The following SLC39A12 variants were observed in gnomAD, a reference collection of about 807,000 sequenced individuals.
SLC39A12 encodes zinc transporter ZIP12.
A neutral mutation model predicts 71.1 loss-of-function variants in SLC39A12; 63 were observed. The ratio of observed to expected loss-of-function variants is 0.89; its 90% CI spans 0.72 to 1.09. The LOEUF (loss-of-function observed/expected upper bound fraction) is 1.09, where lower values mean the gene tolerates loss of function less well. Ranked by LOEUF, SLC39A12 falls within the 50% of genes least tolerant of loss-of-function variation. SLC39A12 has a pLI of 0.00. For synonymous variants in SLC39A12, 351 were observed against 301.3 expected, an observed-to-expected ratio of 1.16 and a Z score of -1.71; for missense variants, 892 against 812.6, an observed-to-expected ratio of 1.10 and a Z score of -1.19.
chr10:18,019,165 A>G (rs1836462088), intron 12 of SLC39A12, among the ~76,000 whole-genome samples: 1 of 151,994 alleles, frequency 6.6e-6, no homozygotes, highest in Non-Finnish European at 1.5e-5. Flanking sequence ...CATCTATGTT[A>G]TCAAATTTGG....
chr10:17,961,196 C>T (rs1554848343), intron 2 of SLC39A12, among the ~76,000 whole-genome samples: 1 of 152,040 alleles, frequency 6.6e-6, no homozygotes. Flanking sequence ...AGATGCTGGA[C>T]CAAGGCTAAG....
Position 18,024,702 on chromosome 10 carries a change from T to C in SLC39A12, c.1948-18003T>C, listed in dbSNP as rs376786276. Among the ~76,000 whole-genome samples, 33 of 152,334 alleles carry C rather than the reference T, an allele frequency of 2.2e-4. No homozygotes were observed. The East Asian group carries it at 5.8e-3, about 27-fold the overall frequency. On this transcript the variant is annotated intron_variant, in intron 12 of 12. Transcript: ENST00000377369. ...CCTCTGTTCATTTCTGATGGACGAA[T>C]GTTAAAGTCTTCAAATCTAGTTGTG... is the stretch of plus-strand genomic sequence containing the variant.
Position 18,029,071 on chromosome 10 carries a change from C to T in SLC39A12, c.1948-13634C>T, listed in dbSNP as rs1230525803. On this transcript the variant is annotated intron_variant, in intron 12 of 12. Coordinates refer to ENST00000377369, the MANE Select transcript of SLC39A12 (RefSeq NM_001145195.2). ...GTTTTTTAGTAGAGGTGGAGTTTCA[C>T]CATGTTAGCCAGGATGGTCTCAATC... is the stretch of plus-strand genomic sequence containing the variant. 2.6e-5 allele frequency among the ~76,000 whole-genome samples: 4 copies of T among 151,346 alleles called. No homozygotes were observed. The East Asian group carries it at 7.8e-4, about 29-fold the overall frequency.
At position 17,993,117 on chromosome 10, in the gene SLC39A12, A is replaced by G. The variant is rs921114947; in HGVS notation, c.1423-64A>G. On this transcript the variant is annotated intron_variant, in intron 8 of 12. Transcript: ENST00000377369. ...ATAGGCAATGGAATGGAACCGTGGCATTGACAAAGACTACACCTGTGTTCT... is the reference window on the plus strand; with the variant it reads ...ATAGGCAATGGAATGGAACCGTGGCGTTGACAAAGACTACACCTGTGTTCT... 1.1e-4 allele frequency: 132 copies of G among 1,189,260 alleles called. 1 individual carries two copies. In the South Asian group the frequency reaches 1.3e-3, roughly 12 times the overall value. 73.7% of individuals were successfully genotyped at this position (1,189,260 alleles called of 1,614,324 possible).
intron 12 of SLC39A12, among the ~76,000 whole-genome samples, chr10:18,015,934 TAC>T (rs1396672983): frequency 6.6e-6 from 1 of 152,130 alleles, no homozygotes; most frequent in Non-Finnish European, 1.5e-5. Context: ...ACTCAGAAGG[TAC>T]AGAGTTCCCA....
intron 12 of SLC39A12, among the ~76,000 whole-genome samples, chr10:18,018,496 G>A (rs1425486369): frequency 6.6e-6 from 1 of 152,056 alleles, no homozygotes; most frequent in East Asian, 1.9e-4. Context: ...CTCACCATTA[G>A]GTATATTTTA....
chr10:17,952,400 CT>C (rs1332063480), intron 1 of SLC39A12, among the ~76,000 whole-genome samples: 1 of 151,394 alleles, frequency 6.6e-6, no homozygotes, highest in Admixed American at 6.6e-5. Context: ...TCTTAGTAAA[CT>C]AAAAAAAAGA....
intron 12 of SLC39A12, among the ~76,000 whole-genome samples, chr10:18,012,185 T>C (rs925277057): frequency 6.6e-6 from 1 of 152,122 alleles, no homozygotes; most frequent in Non-Finnish European, 1.5e-5. Context: ...TAGAACATAT[T>C]CTAACATCCC....
chr10:17,966,767 C>T (rs1834835155), intron 4 of SLC39A12, among the ~76,000 whole-genome samples: 1 of 151,742 alleles, frequency 6.6e-6, no homozygotes, highest in East Asian at 1.9e-4. Flanking sequence ...GTCAGGAGTT[C>T]GAGACCAGCC....
intron 8 of SLC39A12, among the ~76,000 whole-genome samples, chr10:17,992,768 C>T (rs1342470216): frequency 2.6e-5 from 4 of 152,002 alleles, no homozygotes; most frequent in African/African-American, 9.7e-5. Context: ...AGCATAATTC[C>T]AAGATTTATG....
intron 2 of SLC39A12, among the ~76,000 whole-genome samples, chr10:17,954,584 G>A (rs1307453995): frequency 2.0e-5 from 3 of 152,072 alleles, no homozygotes; most frequent in African/African-American, 4.8e-5. Flanking sequence ...CGTCAGTGAT[G>A]TCTAAGAATT....
chr10:18,029,503 T>C (rs564776483), intron 12 of SLC39A12, among the ~76,000 whole-genome samples: 3 of 152,356 alleles, frequency 2.0e-5, no homozygotes, highest in African/African-American at 7.2e-5. Flanking sequence ...AAAAGGAAGT[T>C]ACTTCTCTAC....
chr10:17,975,551 C>T lies in SLC39A12; in HGVS notation c.752-2351C>T, dbSNP rs573113742. Among the ~76,000 whole-genome samples the T allele has an allele frequency of 2.0e-5, 3 of 152,268 alleles. 1 individual carries two copies. The highest frequency in any genetic ancestry group is 7.2e-5 in the African/African-American group (3 of 41,552). ...CTGAGCTGGTATCCAAGATGCAATG[C>T]AGAGTCCTCCCCACTCTTTCCTCTC... is the stretch of plus-strand genomic sequence containing the variant. On this transcript the variant is annotated intron_variant, in intron 4 of 12. Coordinates refer to ENST00000377369, the MANE Select transcript of SLC39A12 (RefSeq NM_001145195.2).
intron 5 of SLC39A12, 112 bp from the exon 6 acceptor site, chr10:17,981,200 G>T: frequency 1.1e-6 from 1 of 870,252 alleles, no homozygotes; most frequent in Non-Finnish European, 1.7e-6. Context: ...CCGGCTTCAT[G>T]TGTGTGTTCT....
intron 9 of SLC39A12, among the ~76,000 whole-genome samples, chr10:17,994,519 C>G (rs756951922): frequency 6.6e-6 from 1 of 151,960 alleles, no homozygotes; most frequent in Non-Finnish European, 1.5e-5. Flanking sequence ...TTTTGAAAAA[C>G]AAGACAAAAC....
At position 17,981,346 on chromosome 10, in the gene SLC39A12, T is replaced by C; in HGVS notation, c.959T>C (p.Phe320Ser). The change falls in exon 6 of 13, where the codon TTT becomes TCT. Residue 320 changes from phenylalanine (F) to serine (S), a missense_variant. Coordinates refer to ENST00000377369, the MANE Select transcript of SLC39A12 (RefSeq NM_001145195.2). ...TCTGCTAGGCAGCTGGTGGAGATAT[T>C]TCTACAGAAGGGCCTCTCACTCATT... ...CFSARQLVEI[F>S]LQKGLSLISK... The C allele has an allele frequency of 1.2e-6, 2 of 1,612,860 alleles. No individual in the cohort carries two copies. The highest frequency in any genetic ancestry group is 1.7e-6 in the Non-Finnish European group (2 of 1,179,286).
chr10:17,961,384 G>A (rs1459990878), intron 2 of SLC39A12, among the ~76,000 whole-genome samples, 197 bp from the exon 3 acceptor site: 2 of 152,182 alleles, frequency 1.3e-5, no homozygotes, highest in Admixed American at 6.5e-5. Context: ...ATTATTCTTA[G>A]AGGAAAAAAG....
chr10:17,963,519 A>G (rs1329206097), intron 3 of SLC39A12, among the ~76,000 whole-genome samples: 1 of 152,226 alleles, frequency 6.6e-6, no homozygotes, highest in African/African-American at 2.4e-5. Flanking sequence ...TCGGTCATTA[A>G]GAGTTCAACA....
chr10:18,036,783 TATATATATATA>T (rs1345342105), intron 12 of SLC39A12, among the ~76,000 whole-genome samples: 188 of 12,036 alleles, frequency 0.016, 8 homozygotes, highest in African/African-American at 0.034. Context: ...TATATATATA[TATATATATATA>T]TTTTTTTTTT....
Sources: allele counts gnomAD v4.1 joint callset (sites outside exome capture counted in the v4.1 genomes callset), GRCh38; gene constraint gnomAD v4.1.1; transcripts MANE v1.5; gene names NCBI Gene and HGNC (gene_info 2026-07-23, HGNC 2026-07-21).